PIBF1: variants seen among roughly 807,000 people sequenced by gnomAD.
PIBF1 encodes progesterone immunomodulatory binding factor 1, also known as progesterone-induced-blocking factor 1.
PIBF1 carries 90 observed loss-of-function variants against 112.5 expected under a neutral mutation model. The observed-to-expected ratio is 0.80, with a 90% CI of 0.67 to 0.95. The LOEUF is 0.95. PIBF1 is among the 40% of genes least tolerant of loss of function. The pLI, the probability that PIBF1 is intolerant of heterozygous loss-of-function variation, is 0.00. For missense variants in PIBF1, 915 were observed against 852.3 expected (o/e 1.07, Z -0.92); for synonymous variants, 301 against 288.6 (o/e 1.04, Z -0.44).
At chr13:72,957,279 A>G (rs2042473544) in intron 14 of PIBF1, among the ~76,000 whole-genome samples, 2 of 152,232 alleles carry the variant, frequency 1.3e-5, no homozygotes, top group East Asian at 1.9e-4. Flanking sequence ...CCATCAGTCA[A>G]TGAGTGGATA....
At chr13:73,014,880 C>A (rs1297986371) in intron 17 of PIBF1, among the ~76,000 whole-genome samples, 1 of 152,120 alleles carries the variant, frequency 6.6e-6, no homozygotes, top group Non-Finnish European at 1.5e-5. Context: ...CCTCCACCTC[C>A]CAGGTTCAAT....
intron 10 of PIBF1, among the ~76,000 whole-genome samples, chr13:72,879,904 T>C (rs2039552735): frequency 6.6e-6 from 1 of 152,260 alleles, no homozygotes; most frequent in Non-Finnish European, 1.5e-5. Flanking sequence ...GTTTACATAT[T>C]GTCTATGGCT....
intron 14 of PIBF1, among the ~76,000 whole-genome samples, chr13:72,938,396 GCTCT>G (rs376125630): frequency 5.3e-5 from 8 of 151,190 alleles, no homozygotes; most frequent in East Asian, 2.0e-4. Context: ...GCAATAATGT[GCTCT>G]CTCTCTCTCT....
chr13:72,858,025 G>GC (rs1555299662), intron 10 of PIBF1, among the ~76,000 whole-genome samples: 1,341 of 17,600 alleles, frequency 0.076, 70 homozygotes, highest in East Asian at 0.11. Context: ...AATGTACATT[G>GC]TGTGTGTGTG....
At chr13:72,987,853 TA>T (rs1488495101) in intron 16 of PIBF1, among the ~76,000 whole-genome samples, 830 of 81,396 alleles carry the variant, frequency 0.01, 7 homozygotes, top group East Asian at 0.035. Flanking sequence ...TTTATTTATT[TA>T]TTTATTTTTT....
At chr13:72,813,391 TC>T (rs920169459) in intron 5 of PIBF1, among the ~76,000 whole-genome samples, 1 of 152,182 alleles carries the variant, frequency 6.6e-6, no homozygotes, top group Non-Finnish European at 1.5e-5. Context: ...AAGCTAGTGT[TC>T]CAGTTACGTA....
At chr13:72,992,994 A>G (rs969182627) in intron 16 of PIBF1, among the ~76,000 whole-genome samples, 4 of 152,226 alleles carry the variant, frequency 2.6e-5, no homozygotes, top group Admixed American at 2.0e-4. Context: ...ACATTGTTAT[A>G]ATTAATTTCT....
intron 11 of PIBF1, among the ~76,000 whole-genome samples, chr13:72,895,336 A>G (rs2040240378): frequency 6.7e-6 from 1 of 149,466 alleles, no homozygotes; most frequent in Non-Finnish European, 1.5e-5. Flanking sequence ...AAAATAATAT[A>G]TATAATATTA....
chr13:72,972,000 T>TTTCA (rs1435842748), intron 15 of PIBF1, among the ~76,000 whole-genome samples: 2 of 138,872 alleles, frequency 1.4e-5, no homozygotes, highest in East Asian at 4.2e-4. Context: ...GATTAGTGGC[T>TTTCA]TTCATTTATT....
intron 16 of PIBF1, among the ~76,000 whole-genome samples, chr13:72,976,261 G>A (rs750437147): frequency 6.6e-6 from 1 of 151,576 alleles, no homozygotes; most frequent in Admixed American, 6.6e-5. Flanking sequence ...GCAATGTAGT[G>A]CAACCCTATC....
At chr13:72,817,229 G>A (rs1437686639) in intron 5 of PIBF1, among the ~76,000 whole-genome samples, 3 of 152,092 alleles carry the variant, frequency 2.0e-5, no homozygotes, top group Admixed American at 6.5e-5. Context: ...TGAAACATAG[G>A]TTGCTGCTTT....
intron 5 of PIBF1, among the ~76,000 whole-genome samples, chr13:72,820,306 G>A (rs908620307): frequency 6.6e-6 from 1 of 152,052 alleles, no homozygotes; most frequent in African/African-American, 2.4e-5. Flanking sequence ...CCAAAACAGT[G>A]ACATGATTAA....
At position 72,910,847 on chromosome 13, in the gene PIBF1, C is replaced by CA. The variant is rs995364401; in HGVS notation, c.1639+2172dup. ...AAAATACTTAGGAATAAATTTAAGC[C>CA]AAAAAACCCTACAGATCATTGCTAA... On this transcript the variant is annotated intron_variant, in intron 12 of 17. Coordinates refer to ENST00000326291, the MANE Select transcript of PIBF1 (RefSeq NM_006346.4). Among the ~76,000 whole-genome samples, 30 of 152,066 alleles carry CA rather than the reference C, an allele frequency of 2.0e-4. No homozygotes were observed. In the East Asian group the frequency reaches 3.5e-3, roughly 18 times the overall value.
intron 17 of PIBF1, among the ~76,000 whole-genome samples, chr13:73,002,566 A>G (rs1468738227): frequency 6.6e-6 from 1 of 152,052 alleles, no homozygotes; most frequent in East Asian, 1.9e-4. Context: ...CTGCCATCCT[A>G]TTCGAAAATA....
At chr13:72,976,351 G>A (rs912980408) in intron 16 of PIBF1, among the ~76,000 whole-genome samples, 2 of 151,918 alleles carry the variant, frequency 1.3e-5, no homozygotes, top group African/African-American at 2.4e-5. Flanking sequence ...GAAAGGAAGC[G>A]AAGGAGGGGA....
chr13:72,843,299 T>C (rs12583408), intron 9 of PIBF1, among the ~76,000 whole-genome samples: 31,851 of 152,170 alleles, frequency 0.21, 3,425 homozygotes, highest in East Asian at 0.27. Context: ...AAAGAATACG[T>C]AGGAGAATTG....
At chr13:72,930,620 T>C (rs2041667887) in intron 13 of PIBF1, among the ~76,000 whole-genome samples, 1 of 152,180 alleles carries the variant, frequency 6.6e-6, no homozygotes, top group Non-Finnish European at 1.5e-5. Context: ...TTTCTTTTAG[T>C]ACAGAAGCTT....
At chr13:72,960,281 C>T (rs1373964680) in intron 14 of PIBF1, among the ~76,000 whole-genome samples, 1 of 152,078 alleles carries the variant, frequency 6.6e-6, no homozygotes, top group African/African-American at 2.4e-5. Flanking sequence ...CATGGTGGTG[C>T]ATGCCTGTGG....
At chr13:73,012,780 A>AATG (rs1418564457) in intron 17 of PIBF1, among the ~76,000 whole-genome samples, 1 of 151,382 alleles carries the variant, frequency 6.6e-6, no homozygotes, top group East Asian at 1.9e-4. Flanking sequence ...TAATAATAAT[A>AATG]ATAAGGGTAT....
Sources: gnomAD v4.1 joint callset for allele counts (sites outside exome capture counted in the v4.1 genomes callset) on GRCh38, gnomAD v4.1.1 for gene constraint, MANE v1.5 for transcripts, NCBI Gene and HGNC (gene_info 2026-07-23, HGNC 2026-07-21) for gene names.